Variants in RANBP2 observed in about 807,000 individuals in gnomAD.
RANBP2 encodes the protein E3 SUMO-protein ligase RanBP2.
A neutral mutation model predicts 303.6 loss-of-function variants in RANBP2; 57 were observed. That is an observed-to-expected ratio of 0.19 (90% CI 0.15 to 0.23). The LOEUF is 0.23. Among genes scored for constraint, RANBP2 ranks in the 10% least tolerant of loss-of-function variants. The pLI is 1.00. For missense variants in RANBP2, 3,138 were observed against 3,780.8 expected (o/e 0.83, Z 4.46); for synonymous variants, 1,167 against 1,301.5 (o/e 0.90, Z 2.23).
the RANBP2 span, among the ~76,000 whole-genome samples, chr2:109,551,990 G>C: frequency 6.6e-6 from 1 of 152,186 alleles, no homozygotes; most frequent in African/African-American, 2.4e-5. Context: ...GTTAGGAACT[G>C]GGCTACACAG....
At chr2:109,432,749 G>T in the RANBP2 span, 4 of 1,507,912 alleles carry the variant, frequency 2.7e-6, no homozygotes, top group East Asian at 9.3e-5. Context: ...TACTGCTGGA[G>T]GCTACTCTGT....
the RANBP2 span, among the ~76,000 whole-genome samples, chr2:109,211,190 T>G: frequency 6.6e-6 from 1 of 152,130 alleles, no homozygotes; most frequent in Non-Finnish European, 1.5e-5. Flanking sequence ...TGAAAGCAGG[T>G]GGGGGCTGCT....
chr2:109,114,998 C>T, the RANBP2 span, among the ~76,000 whole-genome samples: 3 of 152,162 alleles, frequency 2.0e-5, no homozygotes, highest in Middle Eastern at 3.2e-3. Context: ...GTCTGAGAGA[C>T]AGTTTGTTAT....
At chr2:108,911,479 C>T in the RANBP2 span, among the ~76,000 whole-genome samples, 1 of 152,196 alleles carries the variant, frequency 6.6e-6, no homozygotes, top group Non-Finnish European at 1.5e-5. Flanking sequence ...CGAAAGTCAG[C>T]TCTGGATTCC....
the RANBP2 span, among the ~76,000 whole-genome samples, chr2:109,146,188 A>C: frequency 7.8e-3 from 1,186 of 152,284 alleles, 12 homozygotes; most frequent in East Asian, 0.034. Flanking sequence ...TGGTACACTA[A>C]TAATGGCCAT....
the RANBP2 span, among the ~76,000 whole-genome samples, chr2:108,891,883 C>T: frequency 6.6e-6 from 1 of 152,094 alleles, no homozygotes; most frequent in African/African-American, 2.4e-5. Context: ...GTGATGGTGG[C>T]TGGGAGTTTA....
At chr2:109,140,703 T>C in the RANBP2 span, among the ~76,000 whole-genome samples, 1 of 152,220 alleles carries the variant, frequency 6.6e-6, no homozygotes, top group Non-Finnish European at 1.5e-5. Context: ...TTTAGATTTA[T>C]GGGAAATAGA....
chr2:108,750,644 G>A (rs1675810783), intron 9 of RANBP2, among the ~76,000 whole-genome samples: 1 of 151,396 alleles, frequency 6.6e-6, no homozygotes, highest in Middle Eastern at 3.2e-3. Context: ...CTGGAGTGCA[G>A]TGGCGCAATC....
chr2:109,331,944 G>A, the RANBP2 span, among the ~76,000 whole-genome samples: 1 of 152,202 alleles, frequency 6.6e-6, no homozygotes, highest in Non-Finnish European at 1.5e-5. Flanking sequence ...GCACCTGGCC[G>A]ATCCTCCGAT....
chr2:108,887,017 C>T, the RANBP2 span, among the ~76,000 whole-genome samples: 1 of 151,948 alleles, frequency 6.6e-6, no homozygotes, highest in African/African-American at 2.4e-5. Context: ...GTTTCATGTC[C>T]TATGTGTAAA....
chr2:109,114,706 T>G, the RANBP2 span, among the ~76,000 whole-genome samples: 14 of 151,930 alleles, frequency 9.2e-5, no homozygotes, highest in Non-Finnish European at 1.8e-4. Context: ...GCTTTTCTAG[T>G]TCTTTTAATT....
At chr2:109,107,405 C>T in the RANBP2 span, among the ~76,000 whole-genome samples, 1 of 152,086 alleles carries the variant, frequency 6.6e-6, no homozygotes, top group Non-Finnish European at 1.5e-5. Context: ...GTATGCTGGC[C>T]GAGTACCCCC....
the RANBP2 span, among the ~76,000 whole-genome samples, chr2:109,549,224 A>G: frequency 6.6e-6 from 1 of 152,248 alleles, no homozygotes; most frequent in East Asian, 1.9e-4. Flanking sequence ...GGAGTGGGAC[A>G]AAGTCTGGAA....
the RANBP2 span, among the ~76,000 whole-genome samples, chr2:109,040,998 G>C: frequency 6.6e-6 from 1 of 152,206 alleles, no homozygotes; most frequent in Non-Finnish European, 1.5e-5. Context: ...GGAGCTTGCT[G>C]TGAGCGGAGA....
At chr2:109,682,936 A>C in the RANBP2 span, among the ~76,000 whole-genome samples, 1 of 152,122 alleles carries the variant, frequency 6.6e-6, no homozygotes, top group Non-Finnish European at 1.5e-5. Flanking sequence ...AATTCCCTTA[A>C]AAATCATTTA....
At chr2:109,728,955 C>T in the RANBP2 span, among the ~76,000 whole-genome samples, 68 of 152,158 alleles carry the variant, frequency 4.5e-4, no homozygotes, top group African/African-American at 1.6e-3. Flanking sequence ...TCAAGCACAC[C>T]ACTGTATGTG....
chr2:108,915,857 AT>A, the RANBP2 span, among the ~76,000 whole-genome samples: 1 of 152,102 alleles, frequency 6.6e-6, no homozygotes, highest in Admixed American at 6.6e-5. Context: ...AGACCACGCC[AT>A]TGCACTCCAT....
the RANBP2 span, among the ~76,000 whole-genome samples, chr2:109,705,524 A>G: frequency 3.3e-5 from 5 of 152,190 alleles, no homozygotes; most frequent in Admixed American, 3.3e-4. Context: ...CTTTCTTACC[A>G]TCTTCAGGAG....
intron 6 of RANBP2, among the ~76,000 whole-genome samples, chr2:108,736,936 C>T (rs373461948): frequency 2.6e-5 from 4 of 151,562 alleles, no homozygotes; most frequent in East Asian, 3.9e-4. Context: ...TTACATACTA[C>T]AAGGTTGGAG....
Sources: allele counts gnomAD v4.1 joint callset (sites outside exome capture counted in the v4.1 genomes callset), GRCh38; gene constraint gnomAD v4.1.1; transcripts MANE v1.5; gene names NCBI Gene and HGNC (gene_info 2026-07-23, HGNC 2026-07-21).